CEP112: variants seen among roughly 807,000 people sequenced by gnomAD.
CEP112 encodes the protein centrosomal protein of 112 kDa.
A neutral mutation model predicts 153.0 loss-of-function variants in CEP112; 127 were observed. That is an observed-to-expected ratio of 0.83 (90% CI 0.72 to 0.96). The LOEUF is 0.96. Among genes scored for constraint, CEP112 ranks in the 40% least tolerant of loss-of-function variants. The pLI, the probability that CEP112 is intolerant of heterozygous loss-of-function variation, is 0.00. For synonymous variants in CEP112, 358 were observed against 374.4 expected (o/e 0.96, Z 0.51); for missense variants, 1,089 against 1,101.2 (o/e 0.99, Z 0.16).
chr17:66,084,100 T>C (rs1469865449), intron 8 of CEP112, among the ~76,000 whole-genome samples: 1 of 152,124 alleles, frequency 6.6e-6, no homozygotes, highest in African/African-American at 2.4e-5. Flanking sequence ...ATATCAAAAC[T>C]ACCAGGAGAT....
At chr17:65,907,981 G>A (rs1404310146) in intron 19 of CEP112, among the ~76,000 whole-genome samples, 1 of 152,188 alleles carries the variant, frequency 6.6e-6, no homozygotes, top group Non-Finnish European at 1.5e-5. Context: ...AAAGCAGACA[G>A]AACCCACAAA....
chr17:66,086,110 G>A (rs2067918687), intron 8 of CEP112, among the ~76,000 whole-genome samples: 1 of 151,688 alleles, frequency 6.6e-6, no homozygotes, highest in African/African-American at 2.4e-5. Context: ...TATCTCTGAA[G>A]AATGAGTTGA....
intron 23 of CEP112, among the ~76,000 whole-genome samples, chr17:65,695,769 T>C (rs1190244993): frequency 6.6e-6 from 1 of 152,186 alleles, no homozygotes; most frequent in Non-Finnish European, 1.5e-5. Context: ...ACCGGACGTC[T>C]TTCTAGAGAT....
At chr17:65,782,237 T>G (rs745689220) in intron 21 of CEP112, among the ~76,000 whole-genome samples, 1 of 151,588 alleles carries the variant, frequency 6.6e-6, no homozygotes, top group Non-Finnish European at 1.5e-5. Flanking sequence ...AACAAACATA[T>G]GAAAAAAAAT....
chr17:65,859,512 G>T (rs2058236154), intron 20 of CEP112, among the ~76,000 whole-genome samples: 4 of 151,022 alleles, frequency 2.6e-5, no homozygotes, highest in Admixed American at 2.6e-4. Flanking sequence ...AAAAACATCT[G>T]ATAAAATTAA....
At chr17:65,944,573 ACT>A (rs1213423655) in intron 18 of CEP112, among the ~76,000 whole-genome samples, 1 of 152,096 alleles carries the variant, frequency 6.6e-6, no homozygotes, top group Non-Finnish European at 1.5e-5. Context: ...AGAAATTAAA[ACT>A]CTATTTTTTT....
chr17:66,038,924 A>G (rs1470138060), intron 12 of CEP112, among the ~76,000 whole-genome samples: 1 of 152,206 alleles, frequency 6.6e-6, no homozygotes, highest in African/African-American at 2.4e-5. Context: ...GGTTACTGGA[A>G]GAGTCAGGAA....
At chr17:65,874,388 A>C (rs1005307734) in intron 20 of CEP112, among the ~76,000 whole-genome samples, 3 of 152,156 alleles carry the variant, frequency 2.0e-5, no homozygotes, top group African/African-American at 7.2e-5. Context: ...TTTTAACAAA[A>C]TCTTTAACGA....
chr17:66,165,560 T>C (rs1276391090), intron 4 of CEP112, among the ~76,000 whole-genome samples: 1 of 152,216 alleles, frequency 6.6e-6, no homozygotes, highest in Non-Finnish European at 1.5e-5. Flanking sequence ...GGAGGAGCAA[T>C]TTATAATGTT....
At chr17:66,072,880 G>T (rs2067354784) in intron 8 of CEP112, among the ~76,000 whole-genome samples, 1 of 152,016 alleles carries the variant, frequency 6.6e-6, no homozygotes, top group Admixed American at 6.6e-5. Context: ...GAAACATCAG[G>T]ATTAGAATAT....
intron 21 of CEP112, among the ~76,000 whole-genome samples, chr17:65,763,466 G>A (rs1308184416): frequency 6.6e-6 from 1 of 150,724 alleles, no homozygotes; most frequent in African/African-American, 2.4e-5. Context: ...ACCTTTTGTA[G>A]ATGTCTCAAC....
rs1289276237 is a variant in CEP112, at chr17:66,027,558, AT to A, written c.1598del (p.Asp533ValfsTer13). The part of the protein sequence containing the change: ...SELQRKQQLR[D>X]QENKFQMEKS... ...TCTCCATCTGAAACTTATTTTCTTG[AT>A]CCTGTGAATGATAAATGTTTATATT... On this transcript the variant is annotated frameshift_variant and splice_region_variant, in exon 16 of 27. Coordinates refer to ENST00000535342, the MANE Select transcript of CEP112 (RefSeq NM_001199165.4). LOFTEE classifies it high-confidence loss of function. 1.6e-6 allele frequency: 2 copies of A among 1,283,320 alleles called. No homozygotes were observed. The highest frequency in any genetic ancestry group is 3.1e-5 in the African/African-American group (2 of 64,606). 79.5% of individuals were successfully genotyped at this position (1,283,320 alleles called of 1,614,324 possible).
intron 6 of CEP112, among the ~76,000 whole-genome samples, chr17:66,103,509 T>C (rs1377414393): frequency 6.6e-6 from 1 of 152,194 alleles, no homozygotes; most frequent in Non-Finnish European, 1.5e-5. Context: ...TAATAAGAGT[T>C]TGGCAAAGTT....
chr17:66,085,158 T>C (rs564103847), intron 8 of CEP112, among the ~76,000 whole-genome samples: 25 of 152,314 alleles, frequency 1.6e-4, no homozygotes, highest in African/African-American at 6.0e-4. Flanking sequence ...TTAACTTAAA[T>C]AGACATAACC....
At chr17:65,877,286 C>T (rs1311645074) in intron 20 of CEP112, among the ~76,000 whole-genome samples, 1 of 152,212 alleles carries the variant, frequency 6.6e-6, no homozygotes, top group Non-Finnish European at 1.5e-5. Context: ...GCAGGAAGAA[C>T]AAGTGTGGCC....
chr17:65,658,089 G>GA (rs1387806361), intron 24 of CEP112, among the ~76,000 whole-genome samples: 2 of 152,196 alleles, frequency 1.3e-5, no homozygotes, highest in Non-Finnish European at 2.9e-5. Context: ...ATACTGTGAT[G>GA]ATTCTATTTA....
At chr17:65,820,823 C>T (rs959346278) in intron 21 of CEP112, among the ~76,000 whole-genome samples, 5 of 151,866 alleles carry the variant, frequency 3.3e-5, no homozygotes, top group Non-Finnish European at 5.9e-5. Flanking sequence ...GTTAGAATTC[C>T]GCATTCAATA....
intron 17 of CEP112, among the ~76,000 whole-genome samples, chr17:65,988,896 A>C (rs1171994764): frequency 6.6e-6 from 1 of 152,080 alleles, no homozygotes; most frequent in African/African-American, 2.4e-5. Flanking sequence ...AAAACTTAAG[A>C]AAGAGATAAA....
chr17:66,056,427 A>G (rs891857331), intron 11 of CEP112, among the ~76,000 whole-genome samples: 3 of 152,222 alleles, frequency 2.0e-5, no homozygotes, highest in Non-Finnish European at 2.9e-5. Flanking sequence ...ATGTAAAAAC[A>G]CACACAAATG....
Sources: gnomAD v4.1 joint callset for allele counts (sites outside exome capture counted in the v4.1 genomes callset) on GRCh38, gnomAD v4.1.1 for gene constraint, MANE v1.5 for transcripts, NCBI Gene and HGNC (gene_info 2026-07-23, HGNC 2026-07-21) for gene names.